USP34: variants seen among roughly 807,000 people sequenced by gnomAD.
USP34 encodes the protein ubiquitin specific peptidase 34.
A neutral mutation model predicts 460.3 loss-of-function variants in USP34; 70 were observed. That is an observed-to-expected ratio of 0.15 (90% CI 0.13 to 0.19). The LOEUF (loss-of-function observed/expected upper bound fraction) is 0.19. Among genes scored for constraint, USP34 ranks in the 10% least tolerant of loss-of-function variants. The pLI is 1.00. For synonymous variants in USP34, 1,647 were observed against 1,405.3 expected (o/e 1.17, Z -3.85); for missense variants, 3,985 against 4,236.2 (o/e 0.94, Z 1.65).
chr2:61,392,396 G>A lies in USP34; in HGVS notation c.753+2457C>T, dbSNP rs551008614. 3.9e-4 allele frequency among the ~76,000 whole-genome samples: 59 copies of A among 152,264 alleles called. 1 individual carries two copies. Among genetic ancestry groups the A allele is most frequent in the African/African-American group, 1.4e-3 (59 of 41,548 alleles). On this transcript the variant is annotated intron_variant, in intron 5 of 79. Transcript: ENST00000398571. ...CCCAGCACTTTGGGAGGCCGAGGTG[G>A]GCGGATCACAGGAGGTCAGGAGTTC...
chr2:61,263,685 T>C (rs963951898), intron 43 of USP34, among the ~76,000 whole-genome samples: 2 of 151,936 alleles, frequency 1.3e-5, no homozygotes, highest in African/African-American at 2.4e-5. Flanking sequence ...GGTTTCACCA[T>C]GTTGGCCAGC....
At chr2:61,219,180 G>A (rs565397915) in intron 67 of USP34, among the ~76,000 whole-genome samples, 67 of 152,146 alleles carry the variant, frequency 4.4e-4, no homozygotes, top group Middle Eastern at 3.4e-3. Context: ...AACTGTTCTG[G>A]CTTTGGCCAT....
intron 1 of USP34, among the ~76,000 whole-genome samples, chr2:61,426,446 G>A (rs191269904): frequency 3.0e-4 from 45 of 152,270 alleles, no homozygotes; most frequent in Admixed American, 4.6e-4. Flanking sequence ...GAGAAACATC[G>A]GTGAGTCTGG....
chr2:61,275,000 GGCA>G (rs1689329120), intron 41 of USP34, among the ~76,000 whole-genome samples: 1 of 152,152 alleles, frequency 6.6e-6, no homozygotes, highest in African/African-American at 2.4e-5. Flanking sequence ...TTCTGGGCCA[GGCA>G]TGGTGGCTCA....
At chr2:61,413,948 A>T (rs939767510) in intron 2 of USP34, among the ~76,000 whole-genome samples, 38 of 149,450 alleles carry the variant, frequency 2.5e-4, no homozygotes, top group African/African-American at 9.1e-4. Context: ...TAAAAAAATT[A>T]AAAAAATTAA....
chr2:61,275,727 A>G (rs1049653842), intron 41 of USP34, among the ~76,000 whole-genome samples: 2 of 152,170 alleles, frequency 1.3e-5, no homozygotes, highest in Admixed American at 1.3e-4. Flanking sequence ...ATGTGTAGAC[A>G]GTATTGTATA....
chr2:61,208,974 G>T lies in USP34; in HGVS notation c.8844C>A (p.Ala2948=). 6.4e-7 allele frequency: 1 copy of T among 1,570,058 alleles called. No homozygotes were observed. Residue 2948 remains alanine, a synonymous_variant, in exon 70 of 80, where the codon GCC becomes GCA. Coordinates refer to ENST00000398571, the MANE Select transcript of USP34 (RefSeq NM_014709.4). ...CATCAGATTCTAATAGTATTCTGAA[G>T]GCACTAGAAGAAAACATAAAGTTCA... ...GRSCWTTLIS[A]FRILLESDED...
chr2:61,381,959 G>A (rs1455306243), intron 6 of USP34, among the ~76,000 whole-genome samples: 1 of 152,044 alleles, frequency 6.6e-6, no homozygotes, highest in African/African-American at 2.4e-5. Context: ...AGGAGGGGGG[G>A]TGCTGAATGT....
At chr2:61,239,811 A>G (rs1448592674) in intron 53 of USP34, among the ~76,000 whole-genome samples, 1 of 152,122 alleles carries the variant, frequency 6.6e-6, no homozygotes, top group Non-Finnish European at 1.5e-5. Context: ...GATTGAGACC[A>G]TCCTGGCTAA....
At position 61,221,575 on chromosome 2, in the gene USP34, A is replaced by G. The variant is rs1687585948; in HGVS notation, c.7826T>C (p.Met2609Thr). The change falls in exon 66 of 80, where the codon ATG (methionine) becomes ACG (threonine). Residue 2609 changes from methionine to threonine, a missense_variant. By Grantham distance (81) the Met-to-Thr change is moderately conservative. Around this residue, in one of 14 missense-constraint regions of USP34, gnomAD observed 604 missense variants for 684.8 expected, o/e 0.88. Coordinates refer to ENST00000398571, the MANE Select transcript of USP34 (RefSeq NM_014709.4). Reference sequence around the variant, plus strand: ...AGGTCCACCAGCAAACTCCATTAGCATAGTCAACAACTTAAAGAAAGGATT... The same window carrying G: ...AGGTCCACCAGCAAACTCCATTAGCGTAGTCAACAACTTAAAGAAAGGATT... ...AANPFFKLLTMLMEFAGGPPG... is the reference protein window; with the variant it reads ...AANPFFKLLTTLMEFAGGPPG... 1 of 1,614,148 alleles carries G rather than the reference A, an allele frequency of 6.2e-7. No individual in the cohort carries two copies. Among genetic ancestry groups the G allele is most frequent in the Non-Finnish European group, 8.5e-7 (1 of 1,179,976 alleles).
chr2:61,465,900 C>T (rs970534210), intron 1 of USP34, among the ~76,000 whole-genome samples: 51 of 151,896 alleles, frequency 3.4e-4, no homozygotes, highest in Admixed American at 1.1e-3. Flanking sequence ...TGGCGTGAAC[C>T]CGGGAGGCGG....
rs201554381 is a variant in USP34 at position 61,204,342 on chromosome 2, T to C, written c.9298A>G (p.Lys3100Glu). The C allele has an allele frequency of 4.5e-5, 72 of 1,614,050 alleles. No homozygotes were observed. The highest frequency in any genetic ancestry group is 1.1e-5 in the Non-Finnish European group (13 of 1,180,020). ...ATATTGCTTTTCCCTCCTATTAGCT[T>C]GATATTTTCTCGACAAGGGAAATAA... ...GPYFPCRENIKLIGGKSNIRP... is the reference protein window; with the variant it reads ...GPYFPCRENIELIGGKSNIRP... The change falls in exon 74 of 80, where the codon AAG becomes GAG. Residue 3100 changes from lysine (K) to glutamate (E), a missense_variant. Lys to Glu is a moderately conservative substitution (Grantham distance 56). Transcript: ENST00000398571.
chr2:61,444,938 T>C (rs1173145141), intron 1 of USP34, among the ~76,000 whole-genome samples: 2 of 137,550 alleles, frequency 1.5e-5, no homozygotes, highest in African/African-American at 2.7e-5. Context: ...AAAAAAAAAC[T>C]GAGCAAGTGA....
chr2:61,281,824 T>C (rs957595302), intron 37 of USP34, among the ~76,000 whole-genome samples: 1 of 152,156 alleles, frequency 6.6e-6, no homozygotes, highest in Non-Finnish European at 1.5e-5. Context: ...ATTTAAGTTA[T>C]TTACAAGTCA....
At chr2:61,365,597 A>G (rs1215137352) in intron 10 of USP34, among the ~76,000 whole-genome samples, 1 of 152,152 alleles carries the variant, frequency 6.6e-6, no homozygotes, top group Non-Finnish European at 1.5e-5. Context: ...ATAAGAATAA[A>G]TACAATTAAT....
At chr2:61,261,447 G>A (rs573876107) in intron 43 of USP34, among the ~76,000 whole-genome samples, 2 of 152,158 alleles carry the variant, frequency 1.3e-5, no homozygotes, top group Non-Finnish European at 2.9e-5. Context: ...TGAGGTACCT[G>A]AAACAGTTGA....
intron 15 of USP34, among the ~76,000 whole-genome samples, chr2:61,346,831 C>CAAAAAA (rs776311612): frequency 9.4e-4 from 28 of 29,706 alleles, no homozygotes; most frequent in Admixed American, 2.7e-3. Context: ...GATTCCAACT[C>CAAAAAA]AAAAAAAAAA....
At chr2:61,326,523 C>T (rs539193067) in intron 20 of USP34, among the ~76,000 whole-genome samples, 2 of 152,180 alleles carry the variant, frequency 1.3e-5, no homozygotes, top group Non-Finnish European at 1.5e-5. Flanking sequence ...CATGACCGGC[C>T]CAGGTTTGCA....
intron 22 of USP34, 38 bp downstream of exon 22, chr2:61,319,135 A>C: frequency 3.3e-6 from 5 of 1,519,728 alleles, no homozygotes; most frequent in Non-Finnish European, 4.4e-6. Context: ...AAAAGGGAAC[A>C]TGGAAAAATA....
Sources: allele counts gnomAD v4.1 joint callset (sites outside exome capture counted in the v4.1 genomes callset), GRCh38; gene constraint gnomAD v4.1.1; regional missense constraint gnomAD v4.1.1; transcripts MANE v1.5; gene names NCBI Gene and HGNC (gene_info 2026-07-23, HGNC 2026-07-21).